CAMK2D: variants seen among roughly 807,000 people sequenced by gnomAD.
CAMK2D encodes calcium/calmodulin-dependent protein kinase type II subunit delta.
In CAMK2D, 37 loss-of-function variants were observed where a neutral mutation model predicts 84.0. That is an observed-to-expected ratio of 0.44 (90% CI 0.34 to 0.58). The LOEUF (loss-of-function observed/expected upper bound fraction) is 0.58, where lower values mean the gene tolerates loss of function less well. Among genes scored for constraint, CAMK2D ranks in the 20% least tolerant of loss-of-function variants. The probability of loss-of-function intolerance (pLI) is 0.02; values close to 1 mark genes in which losing one functional copy is unlikely to be tolerated. For synonymous variants in CAMK2D, 202 were observed against 212.5 expected, an observed-to-expected ratio of 0.95 and a Z score of 0.43; for missense variants, 448 against 652.5, an observed-to-expected ratio of 0.69 and a Z score of 3.41.
chr4:113,633,730 C>T (rs923955532), intron 3 of CAMK2D, among the ~76,000 whole-genome samples: 2 of 152,170 alleles, frequency 1.3e-5, no homozygotes, highest in African/African-American at 4.8e-5. Context: ...AGCTCAGCCA[C>T]TTACTGGGTA....
chr4:113,545,621 T>A (rs2098560787), intron 6 of CAMK2D, among the ~76,000 whole-genome samples: 2 of 152,198 alleles, frequency 1.3e-5, no homozygotes, highest in African/African-American at 4.8e-5. Flanking sequence ...GTTCATCAAC[T>A]GCCTCTAATG....
chr4:113,652,518 A>G (rs1177824542), intron 3 of CAMK2D, among the ~76,000 whole-genome samples: 1 of 152,158 alleles, frequency 6.6e-6, no homozygotes, highest in African/African-American at 2.4e-5. Context: ...CACTTCCCCA[A>G]CTATCTTCTG....
At chr4:113,595,125 G>C (rs1241699002) in intron 4 of CAMK2D, among the ~76,000 whole-genome samples, 1 of 152,000 alleles carries the variant, frequency 6.6e-6, no homozygotes, top group Non-Finnish European at 1.5e-5. Context: ...ATGAAACAAA[G>C]TGTTAAGAAG....
intron 16 of CAMK2D, among the ~76,000 whole-genome samples, chr4:113,479,993 ACT>A (rs2097680761): frequency 6.6e-6 from 1 of 152,070 alleles, no homozygotes; most frequent in African/African-American, 2.4e-5. Flanking sequence ...ATGGAGTCTA[ACT>A]CTGTCGCCCA....
chr4:113,484,128 A>G (rs1237643066), intron 16 of CAMK2D, among the ~76,000 whole-genome samples: 2 of 151,950 alleles, frequency 1.3e-5, no homozygotes, highest in Middle Eastern at 3.2e-3. Context: ...TTCCCTATAT[A>G]CCCATTCTAT....
chr4:113,585,741 C>T (rs3064558), intron 4 of CAMK2D, among the ~76,000 whole-genome samples: 105,844 of 150,766 alleles, frequency 0.7, 37,343 homozygotes, highest in Middle Eastern at 0.75. Context: ...GTATATAGTA[C>T]AGTATATAGT....
chr4:113,485,901 G>T (rs1015049187), intron 16 of CAMK2D, among the ~76,000 whole-genome samples: 1 of 152,102 alleles, frequency 6.6e-6, no homozygotes, highest in Non-Finnish European at 1.5e-5. Context: ...CTTTGTTTCT[G>T]TGCCTTCTAT....
At chr4:113,601,576 C>A (rs1200442396) in intron 4 of CAMK2D, among the ~76,000 whole-genome samples, 1 of 145,668 alleles carries the variant, frequency 6.9e-6, no homozygotes, top group Non-Finnish European at 1.5e-5. Context: ...TGTTTTGATT[C>A]AAACAAAATT....
intron 6 of CAMK2D, among the ~76,000 whole-genome samples, chr4:113,546,424 A>G (rs2098572749): frequency 6.6e-6 from 1 of 152,206 alleles, no homozygotes; most frequent in South Asian, 2.1e-4. Context: ...GCCCTTAACC[A>G]TACCTTTGCT....
In CAMK2D at chr4:113,540,132, T is replaced by C. The variant is rs188717680; in HGVS notation, c.415-2689A>G. On this transcript the variant is annotated intron_variant, in intron 6 of 20. Coordinates refer to ENST00000511664, the MANE Select transcript of CAMK2D (RefSeq NM_001321571.2). ...AAGACTTTCTAAAGCAACATTTTAA[T>C]CAGGGCAAGCACATTTATTCTAATT... Among the ~76,000 whole-genome samples the C allele has an allele frequency of 9.1e-4, 139 of 152,274 alleles. 1 individual carries two copies. Among genetic ancestry groups the C allele is most frequent in the South Asian group, 1.7e-3 (8 of 4,822 alleles).
At chr4:113,526,902 G>T (rs1372274324) in intron 8 of CAMK2D, among the ~76,000 whole-genome samples, 1 of 109,996 alleles carries the variant, frequency 9.1e-6, no homozygotes, top group African/African-American at 4.2e-5. Context: ...TGGTTTTACT[G>T]TGCTTTTTTT....
At chr4:113,686,013 G>A (rs959512945) in intron 2 of CAMK2D, among the ~76,000 whole-genome samples, 14 of 151,644 alleles carry the variant, frequency 9.2e-5, no homozygotes, top group African/African-American at 2.9e-4. Context: ...GCAGTGAGCC[G>A]TGATCATGCC....
intron 8 of CAMK2D, among the ~76,000 whole-genome samples, chr4:113,530,863 T>A (rs2098453481): frequency 6.6e-6 from 1 of 152,130 alleles, no homozygotes; most frequent in Non-Finnish European, 1.5e-5. Flanking sequence ...GGCAGGTGGA[T>A]CACCTGAGGC....
chr4:113,638,279 T>C (rs1281932394), intron 3 of CAMK2D, among the ~76,000 whole-genome samples: 1 of 151,956 alleles, frequency 6.6e-6, no homozygotes, highest in Admixed American at 6.6e-5. Context: ...TGTGTGTATG[T>C]GTGTGTGTGT....
intron 2 of CAMK2D, among the ~76,000 whole-genome samples, chr4:113,723,394 T>A (rs1013217643): frequency 6.6e-6 from 1 of 152,084 alleles, no homozygotes; most frequent in Admixed American, 6.6e-5. Context: ...CTGGCTGATT[T>A]TTTATTTTTA....
chr4:113,468,035 C>T (rs940727567), intron 16 of CAMK2D, among the ~76,000 whole-genome samples: 2 of 151,486 alleles, frequency 1.3e-5, no homozygotes, highest in Non-Finnish European at 1.5e-5. Flanking sequence ...ATAAGATCAA[C>T]GTCCTTCGTG....
chr4:113,568,790 A>G (rs774854174), intron 4 of CAMK2D, among the ~76,000 whole-genome samples: 6 of 150,756 alleles, frequency 4.0e-5, no homozygotes, highest in Non-Finnish European at 8.9e-5. Context: ...TAGTCACTTT[A>G]GTGGGTGTGA....
chr4:113,454,460 C>A lies in CAMK2D; in HGVS notation c.*85G>T. ...AGAGGAGGAGAGGACGGCCCAGGGT[C>A]ACCATCCAGGTGCCTTGAGAACAGA... On this transcript the variant is annotated 3_prime_UTR_variant, in exon 21 of 21. Transcript: ENST00000511664. 1 of 777,612 alleles carries A rather than the reference C, an allele frequency of 1.3e-6. No individual in the cohort carries two copies. Among genetic ancestry groups the A allele is most frequent in the South Asian group, 1.3e-5 (1 of 74,226 alleles). The allele number at this position is 777,612 out of a possible 1,614,324, so 48.2% of individuals were successfully genotyped here.
intron 4 of CAMK2D, among the ~76,000 whole-genome samples, chr4:113,593,343 A>T (rs1337827208): frequency 3.9e-5 from 6 of 152,354 alleles, no homozygotes; most frequent in Non-Finnish European, 8.8e-5. Context: ...AAAATTGGAG[A>T]GTAAGACAGG....
Sources: allele counts gnomAD v4.1 joint callset (sites outside exome capture counted in the v4.1 genomes callset), GRCh38; gene constraint gnomAD v4.1.1; transcripts MANE v1.5; gene names NCBI Gene and HGNC (gene_info 2026-07-23, HGNC 2026-07-21).